Variants in SHANK2 observed in about 807,000 individuals in gnomAD.
SHANK2 encodes SH3 and multiple ankyrin repeat domains protein 2.
Under a neutral mutation model 133.7 loss-of-function variants are expected in SHANK2, and 43 were observed. The observed-to-expected ratio is 0.32, with a 90% CI of 0.25 to 0.41. SHANK2 has a LOEUF of 0.41. Ranked by LOEUF, SHANK2 falls within the 10% of genes least tolerant of loss-of-function variation. The probability of loss-of-function intolerance (pLI) is 1.00; values close to 1 mark genes in which losing one functional copy is unlikely to be tolerated. For missense variants in SHANK2, 1,994 were observed against 2,235.8 expected (o/e 0.89, Z 2.18); for synonymous variants, 1,017 against 952.8 (o/e 1.07, Z -1.24).
chr11:70,807,557 G>A lies in SHANK2; in HGVS notation c.1494-386C>T, dbSNP rs1555052260. ...AGGAATTAAACTCTGGGCCAGGCGTGGTGGGATCACATCTGTAATCCCAGC... is the reference window on the plus strand; with the variant it reads ...AGGAATTAAACTCTGGGCCAGGCGTAGTGGGATCACATCTGTAATCCCAGC... On this transcript the variant is annotated intron_variant, in intron 12 of 25. Coordinates refer to ENST00000601538, the MANE Select transcript of SHANK2 (RefSeq NM_012309.5). This position sits in a 1 kb window ranked among gnomAD's most constrained non-coding sequence, Gnocchi z 4.8. Among the ~76,000 whole-genome samples, 1 of 152,154 alleles carries A rather than the reference G, an allele frequency of 6.6e-6. No homozygotes were observed. Among genetic ancestry groups the A allele is most frequent in the Non-Finnish European group, 1.5e-5 (1 of 68,026 alleles).
chr11:70,485,587 T>A lies in SHANK2; in HGVS notation c.4706A>T (p.Glu1569Val). Residue 1569 changes from glutamate to valine, a missense_variant, in exon 25 of 26, where the codon GAA (glutamate) becomes GTA (valine). This residue lies in a region of SHANK2 where 797 missense variants were observed against 907.4 expected (regional missense o/e 0.88). Transcript: ENST00000601538. The surrounding 1 kb of genome is among the most constrained non-coding windows in gnomAD (Gnocchi z 5.8). ...SNALYQDALV[E>V]EDVDSFVIPP... ...GATAACAAAGCTATCTACATCTTCT[T>A]CCACGAGCGCGTCTTGATAAAGTGC... 1 of 1,613,876 alleles carries A rather than the reference T, an allele frequency of 6.2e-7. No individual in the cohort carries two copies. The highest frequency in any genetic ancestry group is 8.5e-7 in the Non-Finnish European group (1 of 1,180,038).
chr11:71,140,520 G>T (rs1555105558), intron 3 of SHANK2, among the ~76,000 whole-genome samples: 1 of 152,200 alleles, frequency 6.6e-6, no homozygotes, highest in East Asian at 1.9e-4. Flanking sequence ...CAACACCCTT[G>T]CCCCAGTGCC....
intron 2 of SHANK2, among the ~76,000 whole-genome samples, chr11:71,220,348 G>T (rs146617441): frequency 0.013 from 1,961 of 152,240 alleles, 25 homozygotes; most frequent in Middle Eastern, 0.037. Context: ...TAGTATAACC[G>T]CTGTGGAAAA....
At chr11:70,672,481 T>C (rs1555016325) in intron 15 of SHANK2, among the ~76,000 whole-genome samples, 1 of 152,218 alleles carries the variant, frequency 6.6e-6, no homozygotes, top group Non-Finnish European at 1.5e-5. Context: ...TGCCATCCTC[T>C]CTTCCTCCAG....
chr11:70,489,041 G>C, intron 24 of SHANK2: 1 of 425,258 alleles, frequency 2.4e-6, no homozygotes, highest in Non-Finnish European at 4.3e-6. Context: ...CAAAGAGGTA[G>C]CAAAATAAAT....
intron 17 of SHANK2, among the ~76,000 whole-genome samples, chr11:70,599,913 A>AAG (rs797044253): frequency 0.017 from 1,256 of 71,804 alleles, 74 homozygotes; most frequent in East Asian, 0.053. Flanking sequence ...AAGAGAAAGA[A>AAG]AGAAAGAAAG....
Position 70,489,690 on chromosome 11 carries a change from G to T in SHANK2, c.2552-342C>A. ...GGCAATGCTGAATTATCTCACAAAGGGACTGTCTCAAAGGGTCAAGTGTGA... is the reference window on the plus strand; with the variant it reads ...GGCAATGCTGAATTATCTCACAAAGTGACTGTCTCAAAGGGTCAAGTGTGA... On this transcript the variant is annotated intron_variant, in intron 23 of 25. Coordinates refer to ENST00000601538, the MANE Select transcript of SHANK2 (RefSeq NM_012309.5). The T allele has an allele frequency of 1.0e-5, 4 of 396,026 alleles. No individual in the cohort carries two copies. The South Asian group carries it at 1.1e-4, about 11-fold the overall frequency. The allele number at this position is 396,026 out of a possible 1,614,324, so 24.5% of individuals were successfully genotyped here. A position where few individuals can be genotyped will look rare whatever the true frequency, so the allele number is the denominator to read the frequency against.
At chr11:71,245,402 T>C (rs1165179835) in intron 1 of SHANK2, among the ~76,000 whole-genome samples, 1 of 152,272 alleles carries the variant, frequency 6.6e-6, no homozygotes, top group Non-Finnish European at 1.5e-5. Flanking sequence ...TTGTAAATTC[T>C]AATAGCGTAA....
intron 2 of SHANK2, among the ~76,000 whole-genome samples, chr11:71,206,840 T>C (rs1247071395): frequency 2.6e-5 from 4 of 150,980 alleles, no homozygotes. Flanking sequence ...ACTGAGGAGG[T>C]TGAGGTGGGA....
At chr11:71,251,429 G>C (rs1948176804) in intron 1 of SHANK2, among the ~76,000 whole-genome samples, 1 of 152,060 alleles carries the variant, frequency 6.6e-6, no homozygotes, top group Non-Finnish European at 1.5e-5. Flanking sequence ...GGCTCAGTCC[G>C]GCGGCTCCAG....
intron 17 of SHANK2, among the ~76,000 whole-genome samples, chr11:70,588,681 A>C (rs2060283733): frequency 6.6e-6 from 1 of 152,252 alleles, no homozygotes. Context: ...TAAGAAAAGA[A>C]GCTGTGTTCT....
Position 70,943,215 on chromosome 11 carries a change from G to C in SHANK2, c.1108-46648C>G, listed in dbSNP as rs77781012. 6.1e-4 allele frequency: 236 copies of C among 386,822 alleles called. 2 individuals are homozygous for C. The East Asian group carries it at 0.015, about 25-fold the overall frequency. 24.0% of individuals were successfully genotyped at this position (386,822 alleles called of 1,614,324 possible). On this transcript the variant is annotated intron_variant, in intron 10 of 25. Transcript: ENST00000601538. ...CCGACATGTTCAAAGGGGTCTGTCT[G>C]TGTCTGGAGGAGATTATGTCCCCTG...
chr11:70,679,101 T>C (rs1944970781), intron 15 of SHANK2, among the ~76,000 whole-genome samples: 3 of 152,080 alleles, frequency 2.0e-5, no homozygotes, highest in African/African-American at 7.2e-5. Context: ...TCCGTGCAAA[T>C]GCAGGTAGTA....
intron 14 of SHANK2, among the ~76,000 whole-genome samples, chr11:70,732,942 C>A (rs776660270): frequency 1.3e-5 from 2 of 152,208 alleles, no homozygotes; most frequent in African/African-American, 2.4e-5. Context: ...GCACACACAG[C>A]CCGCGCGAAT....
intron 17 of SHANK2, among the ~76,000 whole-genome samples, chr11:70,564,332 C>A (rs1554981460): frequency 6.6e-6 from 1 of 151,826 alleles, no homozygotes; most frequent in African/African-American, 2.4e-5. Context: ...GATCTCAGCT[C>A]ATTGCAACCT....
chr11:70,926,000 G>A (rs1950422635), intron 10 of SHANK2, among the ~76,000 whole-genome samples: 1 of 152,146 alleles, frequency 6.6e-6, no homozygotes, highest in Admixed American at 6.5e-5. Context: ...TCGGCTGGGT[G>A]TGGTGGCTCC....
chr11:71,164,039 T>C (rs1953086776), intron 2 of SHANK2, among the ~76,000 whole-genome samples: 1 of 152,122 alleles, frequency 6.6e-6, no homozygotes, highest in Non-Finnish European at 1.5e-5. Flanking sequence ...TAAAAGGAAA[T>C]GTAAAATCAA....
chr11:70,514,327 A>G (rs990910119), intron 17 of SHANK2, among the ~76,000 whole-genome samples: 1 of 152,224 alleles, frequency 6.6e-6, no homozygotes, highest in South Asian at 2.1e-4. Flanking sequence ...GACCTTTATA[A>G]AAAAATGAAA....
At chr11:70,639,101 C>T (rs1555005375) in intron 17 of SHANK2, among the ~76,000 whole-genome samples, 1 of 152,200 alleles carries the variant, frequency 6.6e-6, no homozygotes, top group African/African-American at 2.4e-5. Context: ...CTGGGAAGGG[C>T]TTCCCCTGCT....
Sources: allele counts gnomAD v4.1 joint callset (sites outside exome capture counted in the v4.1 genomes callset), GRCh38; gene constraint gnomAD v4.1.1; regional missense constraint gnomAD v4.1.1; non-coding constraint Gnocchi (gnomAD v3.1); transcripts MANE v1.5; gene names NCBI Gene and HGNC (gene_info 2026-07-23, HGNC 2026-07-21).